The following DNAI4 variants were observed in gnomAD, a reference collection of about 807,000 sequenced individuals.
The protein encoded by DNAI4 is dynein axonemal intermediate chain 4.
Under a neutral mutation model 105.8 loss-of-function variants are expected in DNAI4, and 85 were observed. That is an observed-to-expected ratio of 0.80 (90% CI 0.67 to 0.96). DNAI4 has a LOEUF of 0.96. Among genes scored for constraint, DNAI4 ranks in the 40% least tolerant of loss-of-function variants. The pLI, the probability that DNAI4 is intolerant of heterozygous loss-of-function variation, is 0.00. For missense variants in DNAI4, 1,014 were observed against 1,005.6 expected (o/e 1.01, Z -0.11); for synonymous variants, 352 against 331.5 (o/e 1.06, Z -0.67).
At chr1:66,840,439 A>G (rs765610705) in intron 9 of DNAI4, 30 bp downstream of exon 9, 2 of 1,583,974 alleles carry the variant, frequency 1.3e-6, no homozygotes, top group African/African-American at 2.7e-5. Context: ...AATGCTAGAA[A>G]CAGAATTGTT....
chr1:66,818,592 C>T (rs555510644), intron 16 of DNAI4, among the ~76,000 whole-genome samples: 70 of 152,148 alleles, frequency 4.6e-4, no homozygotes, highest in African/African-American at 1.4e-3. Context: ...ATCTTTTGTA[C>T]ATATAAAGGC....
At chr1:66,888,651 C>T (rs1360813040) in intron 4 of DNAI4, among the ~76,000 whole-genome samples, 1 of 152,174 alleles carries the variant, frequency 6.6e-6, no homozygotes, top group East Asian at 1.9e-4. Context: ...TGAGATCATG[C>T]CACTGAACTC....
rs1247800187 is a variant in DNAI4 at position 66,847,612 on chromosome 1, T to C, written c.1163A>G (p.Glu388Gly). Reference sequence around the variant, plus strand: ...TTTTAATATTGCATCTGAGTGGTCTTCCTCATCTTCATGGATTTTTGCCAG... The same window carrying C: ...TTTTAATATTGCATCTGAGTGGTCTCCCTCATCTTCATGGATTTTTGCCAG... The part of the protein sequence containing the change: ...VILAKIHEDE[E>G]DHSDAILKSD... Residue 388 changes from glutamate (E) to glycine (G), a missense_variant, in exon 8 of 17, where the codon GAA becomes GGA. Coordinates refer to ENST00000371026, the MANE Select transcript of DNAI4 (RefSeq NM_024763.5). 1 of 1,613,898 alleles carries C rather than the reference T, an allele frequency of 6.2e-7. No homozygotes were observed. The highest frequency in any genetic ancestry group is 2.2e-5 in the East Asian group (1 of 44,864).
chr1:66,857,246 AAAC>A (rs1646520578), intron 7 of DNAI4, among the ~76,000 whole-genome samples: 2 of 150,182 alleles, frequency 1.3e-5, no homozygotes, highest in African/African-American at 4.9e-5. Context: ...AGAAAAAACC[AAAC>A]ACCACATGTT....
At chr1:66,887,433 AC>A (rs1390208150) in intron 4 of DNAI4, among the ~76,000 whole-genome samples, 1 of 152,190 alleles carries the variant, frequency 6.6e-6, no homozygotes, top group African/African-American at 2.4e-5. Flanking sequence ...AAGAACAGAA[AC>A]TGGAAGTCCA....
intron 4 of DNAI4, among the ~76,000 whole-genome samples, chr1:66,876,652 C>T (rs1170912563): frequency 6.6e-6 from 1 of 152,116 alleles, no homozygotes; most frequent in African/African-American, 2.4e-5. Context: ...TACCCCCAAA[C>T]CACACTCTTT....
chr1:66,814,175 A>G lies in DNAI4; in HGVS notation c.2502T>C (p.Asp834=), dbSNP rs181154367. 1.9e-6 allele frequency: 3 copies of G among 1,590,624 alleles called. No individual in the cohort carries two copies. Among genetic ancestry groups the G allele is most frequent in the Admixed American group, 3.4e-5 (2 of 58,614 alleles). Residue 834 remains aspartate, a synonymous_variant, in exon 17 of 17, where the codon GAT becomes GAC. Transcript: ENST00000371026. ...MPTVLETGRG[D]IMDTLLGSKS... ...TGGATCCAAGCAAAGTATCCATTATATCTCCCTGAAAAAAAAAAGTCACAC... is the reference window on the plus strand; with the variant it reads ...TGGATCCAAGCAAAGTATCCATTATGTCTCCCTGAAAAAAAAAAGTCACAC...
intron 9 of DNAI4, among the ~76,000 whole-genome samples, chr1:66,838,145 T>C (rs1260877103): frequency 6.6e-6 from 1 of 152,168 alleles, no homozygotes; most frequent in Non-Finnish European, 1.5e-5. Flanking sequence ...AAATGTAAAA[T>C]AAAGGACACT....
chr1:66,814,409 G>GC (rs1472364599), intron 16 of DNAI4, among the ~76,000 whole-genome samples: 2 of 151,426 alleles, frequency 1.3e-5, no homozygotes, highest in East Asian at 1.9e-4. Flanking sequence ...TTGCTCTGTC[G>GC]CCAGGCTGGA....
chr1:66,913,825 A>G (rs1185592325), intron 1 of DNAI4, among the ~76,000 whole-genome samples: 2 of 152,034 alleles, frequency 1.3e-5, no homozygotes, highest in African/African-American at 4.8e-5. Context: ...TACTAAAAAT[A>G]CAAAAAATTA....
intron 1 of DNAI4, among the ~76,000 whole-genome samples, chr1:66,912,590 A>C (rs1200083201): frequency 6.6e-6 from 1 of 152,172 alleles, no homozygotes; most frequent in Non-Finnish European, 1.5e-5. Flanking sequence ...TACTTCTTAC[A>C]TATACTGAAT....
chr1:66,904,982 T>C, intron 2 of DNAI4: 1 of 412,852 alleles, frequency 2.4e-6, no homozygotes. Context: ...GAATAGACTT[T>C]TCTCATTCCA....
rs149010922 is a variant in DNAI4 at position 66,840,526 on chromosome 1, G to T, written c.1437C>A (p.Ser479=). Residue 479 remains serine (S), a synonymous_variant, in exon 9 of 17, where the codon TCC becomes TCA. Coordinates refer to ENST00000371026, the MANE Select transcript of DNAI4 (RefSeq NM_024763.5). ...PANLERLWSF[S]CDLTKGLNVS... ...CATTGAGGCCTTTGGTTAAGTCACA[G>T]GAAAAAGACCAAAGTCGTTCCAAGT... 8.6e-5 allele frequency: 139 copies of T among 1,614,170 alleles called. No individual in the cohort carries two copies. In the African/African-American group the frequency reaches 1.8e-3, roughly 21 times the overall value.
chr1:66,886,767 G>A (rs1394453741), intron 4 of DNAI4, among the ~76,000 whole-genome samples: 1 of 152,046 alleles, frequency 6.6e-6, no homozygotes, highest in Non-Finnish European at 1.5e-5. Flanking sequence ...TCAAGGGCAC[G>A]GTTGTCTTAT....
At chr1:66,815,222 T>C (rs1008736886) in intron 16 of DNAI4, among the ~76,000 whole-genome samples, 6 of 152,234 alleles carry the variant, frequency 3.9e-5, no homozygotes, top group South Asian at 2.1e-4. Flanking sequence ...TACTTCAGTT[T>C]CTCACTTGGG....
chr1:66,899,008 A>G (rs1353970354), intron 2 of DNAI4, among the ~76,000 whole-genome samples: 1 of 152,130 alleles, frequency 6.6e-6, no homozygotes, highest in African/African-American at 2.4e-5. Context: ...CCACTTTTCC[A>G]TTGATGGACA....
chr1:66,882,952 ACTT>A (rs1647107630), intron 4 of DNAI4, among the ~76,000 whole-genome samples: 1 of 151,332 alleles, frequency 6.6e-6, no homozygotes. Context: ...ATTTTTTTTT[ACTT>A]CTTTCTTCCC....
chr1:66,869,501 T>A (rs566835191), intron 6 of DNAI4, among the ~76,000 whole-genome samples: 112 of 152,296 alleles, frequency 7.4e-4, no homozygotes, highest in African/African-American at 2.5e-3. Context: ...CATTTAAAAA[T>A]ATTTAAACCC....
chr1:66,832,663 GAGTATA>G (rs1200458865), intron 13 of DNAI4, among the ~76,000 whole-genome samples: 3 of 152,138 alleles, frequency 2.0e-5, no homozygotes, highest in African/African-American at 7.2e-5. Context: ...AGAACTAAAA[GAGTATA>G]ATTGGATTGT....
Sources: allele counts gnomAD v4.1 joint callset (sites outside exome capture counted in the v4.1 genomes callset), GRCh38; gene constraint gnomAD v4.1.1; transcripts MANE v1.5; gene names NCBI Gene and HGNC (gene_info 2026-07-23, HGNC 2026-07-21).